The following CFAP221 variants were observed in gnomAD, a reference collection of about 807,000 sequenced individuals.
CFAP221 encodes the protein cilia- and flagella-associated protein 221.
A neutral mutation model predicts 113.1 loss-of-function variants in CFAP221; 97 were observed. That is an observed-to-expected ratio of 0.86 (90% CI 0.73 to 1.02). CFAP221 has a LOEUF of 1.02. Among genes scored for constraint, CFAP221 ranks in the 50% least tolerant of loss-of-function variants. CFAP221 has a pLI of 0.00. For synonymous variants in CFAP221, 331 were observed against 354.4 expected (o/e 0.93, Z 0.74); for missense variants, 1,025 against 1,013.4 (o/e 1.01, Z -0.16).
Position 119,604,858 on chromosome 2 carries a change from A to G in CFAP221, c.913-18A>G. ...GAGGGGCAGACTAACTGATTTCCCT[A>G]TTGATTTGGTCTCTTAGGAAATTGA... On this transcript the variant is annotated intron_variant, in intron 9 of 23. Coordinates refer to ENST00000413369, the MANE Select transcript of CFAP221 (RefSeq NM_001271049.2). 3 of 1,613,288 alleles carry G rather than the reference A, an allele frequency of 1.9e-6. No individual in the cohort carries two copies. The highest frequency in any genetic ancestry group is 1.3e-5 in the African/African-American group (1 of 74,998).
chr2:119,628,281 TCTCTCTCTG>T (rs1686489441), intron 16 of CFAP221, among the ~76,000 whole-genome samples: 1 of 50,422 alleles, frequency 2.0e-5, no homozygotes, highest in South Asian at 1.2e-3. Flanking sequence ...TCTCTCTCTC[TCTCTCTCTG>T]GGGGGTGTGT....
chr2:119,636,346 G>T (rs1687113101), intron 19 of CFAP221, among the ~76,000 whole-genome samples: 1 of 152,164 alleles, frequency 6.6e-6, no homozygotes, highest in African/African-American at 2.4e-5. Flanking sequence ...AGAAGAAAAG[G>T]TACAGAAAAG....
intron 3 of CFAP221, among the ~76,000 whole-genome samples, chr2:119,558,854 C>CA (rs1243483438): frequency 6.6e-6 from 1 of 151,886 alleles, no homozygotes; most frequent in East Asian, 1.9e-4. Flanking sequence ...ACAACAACAA[C>CA]AAAAAAACAC....
intron 6 of CFAP221, among the ~76,000 whole-genome samples, chr2:119,570,757 C>G (rs2104568590): frequency 6.6e-6 from 1 of 152,260 alleles, no homozygotes; most frequent in South Asian, 2.1e-4. Context: ...ATGGATATAA[C>G]ACATTTTATT....
intron 17 of CFAP221, among the ~76,000 whole-genome samples, chr2:119,630,203 G>A (rs1335504069): frequency 3.9e-5 from 6 of 152,162 alleles, no homozygotes; most frequent in Non-Finnish European, 5.9e-5. Context: ...TCTGAACTAC[G>A]TATGTTAGAA....
At chr2:119,583,973 C>T (rs1441830691) in intron 6 of CFAP221, among the ~76,000 whole-genome samples, 1 of 152,178 alleles carries the variant, frequency 6.6e-6, no homozygotes, top group African/African-American at 2.4e-5. Context: ...ATAAGCCACC[C>T]AGTCTGTGGT....
intron 8 of CFAP221, among the ~76,000 whole-genome samples, chr2:119,604,087 A>G (rs900717952): frequency 6.6e-6 from 1 of 152,208 alleles, no homozygotes; most frequent in Non-Finnish European, 1.5e-5. Flanking sequence ...TTGAAAACCA[A>G]CAGGCTAGAA....
At chr2:119,595,233 A>G (rs1683878528) in intron 7 of CFAP221, among the ~76,000 whole-genome samples, 1 of 152,174 alleles carries the variant, frequency 6.6e-6, no homozygotes, top group Non-Finnish European at 1.5e-5. Flanking sequence ...GCAGACTCCT[A>G]CATTTTGTCA....
intron 6 of CFAP221, among the ~76,000 whole-genome samples, chr2:119,570,126 G>T (rs1013056409): frequency 6.6e-6 from 1 of 152,218 alleles, no homozygotes; most frequent in African/African-American, 2.4e-5. Flanking sequence ...TGTTGGTAAA[G>T]TCACAGCAGG....
In CFAP221 at chr2:119,562,148, A is replaced by G. The variant is rs114230954; in HGVS notation, c.527+34A>G. 7.2e-4 allele frequency: 1,025 copies of G among 1,426,018 alleles called. 11 individuals are homozygous for G. The African/African-American group carries it at 0.013, about 18-fold the overall frequency. The allele number at this position is 1,426,018 out of a possible 1,614,324, so 88.3% of individuals were successfully genotyped here. On this transcript the variant is annotated intron_variant, in intron 6 of 23. Transcript: ENST00000413369. ...CCAAAATGTCAACAAAATGTATAGG[A>G]TGTGAAAAACTAAGAGATACTCATA...
At chr2:119,585,924 T>TCGGATGGGTC (rs1191661465) in intron 6 of CFAP221, among the ~76,000 whole-genome samples, 3 of 152,158 alleles carry the variant, frequency 2.0e-5, no homozygotes, top group African/African-American at 7.2e-5. Flanking sequence ...ACAGATGGGT[T>TCGGATGGGTC]CGGATGGGTC....
At chr2:119,626,038 G>A (rs72834855) in intron 15 of CFAP221, among the ~76,000 whole-genome samples, 2,305 of 152,238 alleles carry the variant, frequency 0.015, 61 homozygotes, top group Admixed American at 0.067. Flanking sequence ...GTAGGGCTGC[G>A]CTCCCCCCAG....
At chr2:119,550,098 GTTGGGGAGGGGCGGAGGTGGGC>G (rs1680315207) in intron 3 of CFAP221, among the ~76,000 whole-genome samples, 1 of 152,176 alleles carries the variant, frequency 6.6e-6, no homozygotes, top group Non-Finnish European at 1.5e-5. Flanking sequence ...CCCATGTGTT[GTTGGGGAGGGGCGGAGGTGGGC>G]TCTTTGCACA....
At chr2:119,658,402 A>C (rs1688520317), downstream of CFAP221, among the ~76,000 whole-genome samples, 1 of 152,118 alleles carries the variant, frequency 6.6e-6, no homozygotes, top group African/African-American at 2.4e-5. Flanking sequence ...CCAGCATCAC[A>C]GTATATTCCA....
intron 13 of CFAP221, among the ~76,000 whole-genome samples, chr2:119,612,635 C>T (rs1278463536): frequency 6.6e-6 from 1 of 152,116 alleles, no homozygotes; most frequent in East Asian, 1.9e-4. Context: ...TGCCTCTGGC[C>T]CCTCCCAAGT....
chr2:119,653,508 T>C (rs757595821), intron 23 of CFAP221, among the ~76,000 whole-genome samples: 2 of 152,248 alleles, frequency 1.3e-5, no homozygotes, highest in Non-Finnish European at 2.9e-5. Flanking sequence ...TAAATATACA[T>C]ATGAATTATT....
intron 23 of CFAP221, among the ~76,000 whole-genome samples, chr2:119,654,056 C>T (rs1304332669): frequency 1.3e-5 from 2 of 152,020 alleles, no homozygotes; most frequent in African/African-American, 2.4e-5. Flanking sequence ...AGTTTGTCGT[C>T]TACTTTGTTG....
intron 6 of CFAP221, among the ~76,000 whole-genome samples, chr2:119,579,509 G>A (rs1343833445): frequency 1.3e-5 from 2 of 152,028 alleles, no homozygotes; most frequent in Non-Finnish European, 2.9e-5. Context: ...GATTATGGTG[G>A]CCATGCAAAC....
intron 14 of CFAP221, among the ~76,000 whole-genome samples, chr2:119,623,075 A>C (rs1178715220): frequency 1.3e-5 from 2 of 152,186 alleles, no homozygotes; most frequent in Admixed American, 6.5e-5. Context: ...AGGAAGTCAA[A>C]TTGTCTCTTT....
Sources: gnomAD v4.1 joint callset for allele counts (sites outside exome capture counted in the v4.1 genomes callset) on GRCh38, gnomAD v4.1.1 for gene constraint, MANE v1.5 for transcripts, NCBI Gene and HGNC (gene_info 2026-07-23, HGNC 2026-07-21) for gene names.